CNOT9: variants seen among roughly 807,000 people sequenced by gnomAD.
CNOT9 encodes the protein CCR4-NOT transcription complex subunit 9.
A neutral mutation model predicts 37.4 loss-of-function variants in CNOT9; 8 were observed. That is an observed-to-expected ratio of 0.21 (90% CI 0.13 to 0.39). The LOEUF (loss-of-function observed/expected upper bound fraction) is 0.39. Ranked by LOEUF, CNOT9 falls within the 10% of genes least tolerant of loss-of-function variation. The pLI is 1.00. For synonymous variants in CNOT9, 120 were observed against 137.6 expected (o/e 0.87, Z 0.90); for missense variants, 154 against 365.3 (o/e 0.42, Z 4.71).
intron 5 of CNOT9, among the ~76,000 whole-genome samples, chr2:218,589,572 A>C (rs1694706888): frequency 6.6e-6 from 1 of 152,156 alleles, no homozygotes; most frequent in African/African-American, 2.4e-5. Flanking sequence ...CTGGGCTCAA[A>C]GGATCTTCCT....
In CNOT9 at chr2:218,574,962, A is replaced by T. The variant is rs573110686; in HGVS notation, c.25-5599A>T. 2.9e-3 allele frequency among the ~76,000 whole-genome samples: 437 copies of T among 151,806 alleles called. 2 individuals are homozygous for T. Among genetic ancestry groups the T allele is most frequent in the Non-Finnish European group, 4.1e-3 (279 of 67,926 alleles). ...AATTATACGTCAAAGTTTTTTTTTTAAAAAAAGAGCCTCTTAGATTAGACT... is the reference window on the plus strand; with the variant it reads ...AATTATACGTCAAAGTTTTTTTTTTTAAAAAAGAGCCTCTTAGATTAGACT... On this transcript the variant is annotated intron_variant, in intron 1 of 7. Transcript: ENST00000273064.
intron 1 of CNOT9, chr2:218,572,657 T>C (rs1189622761): frequency 1.0e-6 from 1 of 984,894 alleles, no homozygotes; most frequent in Non-Finnish European, 1.2e-6. Flanking sequence ...TACAAATCTT[T>C]GCATGCCATA....
At chr2:218,583,810 T>C (rs1694497011) in intron 3 of CNOT9, among the ~76,000 whole-genome samples, 1 of 152,210 alleles carries the variant, frequency 6.6e-6, no homozygotes, top group Non-Finnish European at 1.5e-5. Context: ...ACTTTGAGTG[T>C]TAAAAATCTT....
In CNOT9 at chr2:218,596,989, C is replaced by T. The variant is rs1694943203; in HGVS notation, c.*2713C>T. On this transcript the variant is annotated 3_prime_UTR_variant, in exon 8 of 8. Transcript: ENST00000273064. ...CAGAGCATGCCTTGCTTACTAACTA[C>T]ATATTATTCCTCTGCTCATTGTTCC... 1 of 152,158 alleles carries T rather than the reference C, an allele frequency of 6.6e-6. No homozygotes were observed. Among genetic ancestry groups the T allele is most frequent in the African/African-American group, 2.4e-5 (1 of 41,424 alleles). The allele number at this position is 152,158 out of a possible 1,614,324, so 9.4% of individuals were successfully genotyped here.
At chr2:218,571,729 G>A (rs35358217) in intron 1 of CNOT9, among the ~76,000 whole-genome samples, 6,044 of 133,538 alleles carry the variant, frequency 0.045, 163 homozygotes, top group East Asian at 0.13. Context: ...TAGCCACGAC[G>A]CCTGGCTAAT....
chr2:218,593,636 A>G (rs1694849835), intron 7 of CNOT9: 2 of 1,401,766 alleles, frequency 1.4e-6, no homozygotes, highest in African/African-American at 1.4e-5. Flanking sequence ...CTCATCTCTT[A>G]TTAAGGTTTT....
intron 7 of CNOT9, chr2:218,593,060 C>T: frequency 7.4e-6 from 2 of 271,468 alleles, no homozygotes; most frequent in Non-Finnish European, 1.4e-5. Context: ...AGGAACACAG[C>T]CCAGAGGGCT....
At chr2:218,593,385 G>A (rs1694844307) in intron 7 of CNOT9, 1 of 484,718 alleles carries the variant, frequency 2.1e-6, no homozygotes, top group Admixed American at 3.5e-5. Flanking sequence ...ATTTTATCCT[G>A]TTCTTCAGTG....
chr2:218,571,141 A>G (rs924180623), intron 1 of CNOT9, among the ~76,000 whole-genome samples: 1 of 152,220 alleles, frequency 6.6e-6, no homozygotes, highest in African/African-American at 2.4e-5. Flanking sequence ...AATCAAAGCC[A>G]CTTGAGAAGA....
Position 218,582,585 on chromosome 2 carries a change from G to C in CNOT9, c.205-386G>C, listed in dbSNP as rs566094598. Among the ~76,000 whole-genome samples, 113 of 152,304 alleles carry C rather than the reference G, an allele frequency of 7.4e-4. 1 individual carries two copies. In the Middle Eastern group the frequency reaches 0.01, roughly 14 times the overall value. Reference sequence around the variant, plus strand: ...GGCGCCTGTAGTCCCAGCTACTCTGGAGGCTGAGGCAGGAGAATGGTGTGA... The same window carrying C: ...GGCGCCTGTAGTCCCAGCTACTCTGCAGGCTGAGGCAGGAGAATGGTGTGA... On this transcript the variant is annotated intron_variant, in intron 2 of 7. Coordinates refer to ENST00000273064, the MANE Select transcript of CNOT9 (RefSeq NM_005444.3).
chr2:218,587,269 C>G (rs1694625442), intron 4 of CNOT9: 1 of 169,556 alleles, frequency 5.9e-6, no homozygotes, highest in South Asian at 1.7e-4. Context: ...ATTACAGGAG[C>G]CTGCCACCAT....
chr2:218,585,253 G>A (rs1048799134), intron 4 of CNOT9, among the ~76,000 whole-genome samples: 8 of 151,514 alleles, frequency 5.3e-5, no homozygotes, highest in South Asian at 4.2e-4. Flanking sequence ...TTCTAATACC[G>A]GAATGCTTCG....
At chr2:218,588,761 G>T (rs13007285) in intron 5 of CNOT9, among the ~76,000 whole-genome samples, 2 of 148,092 alleles carry the variant, frequency 1.4e-5, no homozygotes, top group South Asian at 2.1e-4. Flanking sequence ...TTTTAGTAGA[G>T]ATTGGGTTTT....
intron 5 of CNOT9, among the ~76,000 whole-genome samples, chr2:218,588,803 G>A (rs1694684361): frequency 6.7e-6 from 1 of 150,080 alleles, no homozygotes; most frequent in Admixed American, 6.7e-5. Context: ...TTGAACTCCT[G>A]ACCTCAGATG....
At chr2:218,590,797 C>G (rs1694747224) in intron 5 of CNOT9, among the ~76,000 whole-genome samples, 1 of 150,700 alleles carries the variant, frequency 6.6e-6, no homozygotes, top group Non-Finnish European at 1.5e-5. Context: ...CTACATCTCT[C>G]TTGTTGTTGT....
chr2:218,581,174 T>G, intron 2 of CNOT9: 1 of 277,748 alleles, frequency 3.6e-6, no homozygotes, highest in South Asian at 3.2e-5. Flanking sequence ...GTTTTTCTTT[T>G]TTTTTTTTTT....
chr2:218,591,845 CCTTAGATATTCAAATGAGG>C (rs1694787122), intron 5 of CNOT9, among the ~76,000 whole-genome samples: 1 of 152,032 alleles, frequency 6.6e-6, no homozygotes, highest in African/African-American at 2.4e-5. Flanking sequence ...AAGAGAAGAG[CCTTAGATATTCAAATGAGG>C]CTTGGATCTC....
intron 1 of CNOT9, among the ~76,000 whole-genome samples, chr2:218,570,346 GA>G (rs1294087802): frequency 6.6e-6 from 1 of 152,168 alleles, no homozygotes; most frequent in Non-Finnish European, 1.5e-5. Flanking sequence ...TACAAAAAGT[GA>G]AAAATTGAGC....
rs1694909544 is a variant in CNOT9, at chr2:218,595,645, G to A, written c.*1369G>A. On this transcript the variant is annotated 3_prime_UTR_variant, in exon 8 of 8. Coordinates refer to ENST00000273064, the MANE Select transcript of CNOT9 (RefSeq NM_005444.3). ...TCATCCCTATCTCCAGTCAAAGATGGGATTGCTTAATCCAACTCTGGAGAG... is the reference window on the plus strand; with the variant it reads ...TCATCCCTATCTCCAGTCAAAGATGAGATTGCTTAATCCAACTCTGGAGAG... The A allele has an allele frequency of 6.6e-6, 1 of 151,386 alleles. No individual in the cohort carries two copies. Among genetic ancestry groups the A allele is most frequent in the South Asian group, 2.1e-4 (1 of 4,804 alleles). 9.4% of individuals were successfully genotyped at this position (151,386 alleles called of 1,614,324 possible).
Sources: gnomAD v4.1 joint callset for allele counts (sites outside exome capture counted in the v4.1 genomes callset) on GRCh38, gnomAD v4.1.1 for gene constraint, MANE v1.5 for transcripts, NCBI Gene and HGNC (gene_info 2026-07-23, HGNC 2026-07-21) for gene names.